Variants in AKR1C8 observed in about 807,000 individuals in gnomAD.
The protein encoded by AKR1C8 is aldo-keto reductase family 1 member C-like protein 1.
At chr10:5,151,582 A>T in the AKR1C8 span, among the ~76,000 whole-genome samples, 6 of 135,646 alleles carry the variant, frequency 4.4e-5, no homozygotes, top group Non-Finnish European at 3.1e-5. Context: ...TTTGAGACAC[A>T]GTCTTGTTCT....
At chr10:5,167,395 CAAT>C in the AKR1C8 span, among the ~76,000 whole-genome samples, 3 of 152,300 alleles carry the variant, frequency 2.0e-5, no homozygotes, top group East Asian at 5.8e-4. Context: ...AAATGTCCAA[CAAT>C]GATAGACTGG....
the AKR1C8 span, among the ~76,000 whole-genome samples, chr10:5,175,119 T>TC: frequency 2.7e-5 from 1 of 37,660 alleles, no homozygotes; most frequent in African/African-American, 1.0e-4. Context: ...CCCTCCCCCC[T>TC]CCCCCCTCCC....
At chr10:5,116,477 G>A in the AKR1C8 span, among the ~76,000 whole-genome samples, 1 of 152,084 alleles carries the variant, frequency 6.6e-6, no homozygotes, top group African/African-American at 2.4e-5. Context: ...GTGAATCCTG[G>A]CTATGAGAGA....
At chr10:5,145,115 T>C in the AKR1C8 span, among the ~76,000 whole-genome samples, 9 of 152,136 alleles carry the variant, frequency 5.9e-5, no homozygotes, top group Non-Finnish European at 8.8e-5. Context: ...CTTTTCTGCA[T>C]CTATTGAGAT....
chr10:5,182,978 T>C, the AKR1C8 span, among the ~76,000 whole-genome samples: 4 of 152,224 alleles, frequency 2.6e-5, no homozygotes, highest in Admixed American at 6.5e-5. Flanking sequence ...CTAAAATTTA[T>C]TTTACAAACA....
the AKR1C8 span, among the ~76,000 whole-genome samples, chr10:5,173,064 G>A: frequency 2.6e-5 from 4 of 152,062 alleles, no homozygotes; most frequent in African/African-American, 9.7e-5. Flanking sequence ...ATAAGGAAAA[G>A]AGAGAATTTT....
the AKR1C8 span, among the ~76,000 whole-genome samples, chr10:5,148,505 C>T: frequency 2.0e-5 from 3 of 152,038 alleles, no homozygotes; most frequent in African/African-American, 7.2e-5. Context: ...ATTTTGGGAA[C>T]TGCAATATCT....
chr10:5,156,150 C>T, the AKR1C8 span, among the ~76,000 whole-genome samples: 3 of 152,136 alleles, frequency 2.0e-5, no homozygotes, highest in Non-Finnish European at 4.4e-5. Flanking sequence ...TCCCGTGGAA[C>T]CTGATCCAGC....
chr10:5,162,995 G>A, the AKR1C8 span: 1 of 534,196 alleles, frequency 1.9e-6, no homozygotes, highest in Non-Finnish European at 3.8e-6. Flanking sequence ...CACTTTGGTG[G>A]CCTCGGCAGC....
chr10:5,184,180 G>A, the AKR1C8 span, among the ~76,000 whole-genome samples: 1 of 152,168 alleles, frequency 6.6e-6, no homozygotes, highest in Non-Finnish European at 1.5e-5. Flanking sequence ...TCCAAGACCA[G>A]TCAACAAATT....
chr10:5,174,247 TAG>T, the AKR1C8 span, among the ~76,000 whole-genome samples: 2 of 149,120 alleles, frequency 1.3e-5, no homozygotes, highest in Admixed American at 6.8e-5. Context: ...CTTCTGTCTA[TAG>T]AGTCATATAT....
At chr10:5,180,754 A>G in the AKR1C8 span, among the ~76,000 whole-genome samples, 13 of 152,172 alleles carry the variant, frequency 8.5e-5, no homozygotes, top group Non-Finnish European at 1.9e-4. Context: ...TGTGCTAGCA[A>G]TCAGCTAGAC....
At chr10:5,144,987 G>A in the AKR1C8 span, among the ~76,000 whole-genome samples, 16 of 151,744 alleles carry the variant, frequency 1.1e-4, 1 homozygote, top group South Asian at 8.3e-4. Context: ...TGCCCATTCA[G>A]TATGATATTG....
the AKR1C8 span, among the ~76,000 whole-genome samples, chr10:5,144,867 T>C: frequency 2.6e-5 from 4 of 152,172 alleles, no homozygotes; most frequent in Admixed American, 1.3e-4. Flanking sequence ...TTTATTTCTT[T>C]CTCCTGCCTA....
chr10:5,174,961 G>GT, the AKR1C8 span, among the ~76,000 whole-genome samples: 1 of 151,580 alleles, frequency 6.6e-6, no homozygotes, highest in South Asian at 2.1e-4. Context: ...AAAAAACAAG[G>GT]TTTTCTTTAT....
At chr10:5,160,199 A>C in the AKR1C8 span, among the ~76,000 whole-genome samples, 6 of 152,198 alleles carry the variant, frequency 3.9e-5, no homozygotes, top group African/African-American at 1.4e-4. Context: ...CCTTGATTCT[A>C]TTACAAGCAT....
the AKR1C8 span, among the ~76,000 whole-genome samples, chr10:5,180,912 G>C: frequency 1.3e-5 from 2 of 152,224 alleles, no homozygotes; most frequent in African/African-American, 2.4e-5. Context: ...GACTAGGAAA[G>C]GGAACTCCCT....
the AKR1C8 span, chr10:5,157,528 G>T: frequency 2.7e-6 from 1 of 367,128 alleles, no homozygotes. Context: ...TTAGCACAGA[G>T]TGGAGAGCAC....
the AKR1C8 span, among the ~76,000 whole-genome samples, chr10:5,144,031 C>T: frequency 1.4e-4 from 22 of 152,020 alleles, no homozygotes; most frequent in African/African-American, 2.4e-5. Context: ...AAATTGGTAA[C>T]TCTATATATG....
Sources: gnomAD v4.1 joint callset for allele counts (sites outside exome capture counted in the v4.1 genomes callset) on GRCh38, gnomAD v4.1.1 for gene constraint, MANE v1.5 for transcripts, NCBI Gene and HGNC (gene_info 2026-07-23, HGNC 2026-07-21) for gene names.